The following NRL variants were observed in gnomAD, a reference collection of about 807,000 sequenced individuals.
NRL encodes the protein neural retina-specific leucine zipper protein.
NRL carries 16 observed loss-of-function variants against 12.5 expected under a neutral mutation model. The ratio of observed to expected loss-of-function variants is 1.28; its 90% CI spans 0.87 to 1.95. NRL has a LOEUF of 1.95. NRL is among the 30% of genes most tolerant of loss of function. NRL has a pLI of 0.00. For synonymous variants in NRL, 142 were observed against 150.9 expected, an observed-to-expected ratio of 0.94 and a Z score of 0.43; for missense variants, 314 against 325.8, an observed-to-expected ratio of 0.96 and a Z score of 0.28.
chr14:24,090,774 G>C (rs555284084), intron 1 of NRL, among the ~76,000 whole-genome samples: 1 of 152,354 alleles, frequency 6.6e-6, no homozygotes, highest in South Asian at 2.1e-4. Flanking sequence ...CTAAAGAAAA[G>C]TGTGTGGCAG....
chr14:24,111,659 G>A (rs779883560), intron 1 of NRL, among the ~76,000 whole-genome samples: 282 of 152,188 alleles, frequency 1.9e-3, no homozygotes, highest in Admixed American at 2.6e-3. Context: ...GAGCCACCGC[G>A]CCCGGCCAAT....
chr14:24,100,014 C>G (rs1001649291), intron 1 of NRL: 1 of 1,614,202 alleles, frequency 6.2e-7, no homozygotes, highest in African/African-American at 1.3e-5. Flanking sequence ...GGGCCATCAA[C>G]CCTGAGAACG....
chr14:24,114,630 T>A, intron 1 of NRL, 92 bp downstream of exon 1: 1 of 965,998 alleles, frequency 1.0e-6, no homozygotes. Context: ...AGCTGGCAGT[T>A]CCCACTTACT....
Position 24,081,222 on chromosome 14 carries a change from G to T in NRL, c.*14C>A. The T allele has an allele frequency of 6.9e-7, 1 of 1,450,568 alleles. No individual in the cohort carries two copies. Among genetic ancestry groups the T allele is most frequent in the Non-Finnish European group, 9.1e-7 (1 of 1,097,172 alleles). The allele number at this position is 1,450,568 out of a possible 1,614,324, so 89.9% of individuals were successfully genotyped here. A position where few individuals can be genotyped will look rare whatever the true frequency, so the allele number is the denominator to read the frequency against. On this transcript the variant is annotated 3_prime_UTR_variant, in exon 3 of 3. Coordinates refer to ENST00000561028, the MANE Select transcript of NRL (RefSeq NM_001354768.3). This position sits in a 1 kb window ranked among gnomAD's most constrained non-coding sequence, Gnocchi z 4.4. ...CACCCAGCCCCCACTACACCACAAG[G>T]TGCTCTGAACGGCTCAGAGGAAGAG...
intron 1 of NRL, chr14:24,099,809 G>A (rs765806041): frequency 6.6e-7 from 1 of 1,521,436 alleles, no homozygotes; most frequent in Admixed American, 1.7e-5. Context: ...CTTTGTCAGT[G>A]AGAAAGTTTC....
At chr14:24,093,690 G>A (rs1252770994) in intron 1 of NRL, among the ~76,000 whole-genome samples, 1 of 152,128 alleles carries the variant, frequency 6.6e-6, no homozygotes, top group East Asian at 1.9e-4. Flanking sequence ...CAGGGGAAGA[G>A]GGGATGTGCC....
chr14:24,082,398 C>G, intron 2 of NRL, 70 bp downstream of exon 2: 1 of 1,596,666 alleles, frequency 6.3e-7, no homozygotes, highest in East Asian at 2.2e-5. Context: ...TCTGGGAGCT[C>G]CCCTTCCTCT....
chr14:24,088,656 T>G (rs546892246), intron 1 of NRL, among the ~76,000 whole-genome samples: 24 of 151,262 alleles, frequency 1.6e-4, no homozygotes, highest in Non-Finnish European at 3.4e-4. Context: ...ATTATACTTT[T>G]TTTTTTTTTT....
At position 24,079,936 on chromosome 14, in the gene NRL, G is replaced by C. The variant is rs1048147455; in HGVS notation, c.*1300C>G. Among the ~76,000 whole-genome samples, 1 of 152,020 alleles carries C rather than the reference G, an allele frequency of 6.6e-6. No homozygotes were observed. The highest frequency in any genetic ancestry group is 2.4e-5 in the African/African-American group (1 of 41,376). ...TTGGTGGTGGTGGTGGTGAGAGGGG[G>C]AGGATCCATCTGTTCCAATGCCTGC... On this transcript the variant is annotated 3_prime_UTR_variant, in exon 3 of 3. Transcript: ENST00000561028.
At chr14:24,091,008 A>C (rs2036612983) in intron 1 of NRL, among the ~76,000 whole-genome samples, 1 of 152,242 alleles carries the variant, frequency 6.6e-6, no homozygotes, top group African/African-American at 2.4e-5. Context: ...AGGATTACAG[A>C]GATATAAAAG....
chr14:24,089,095 C>T (rs1261118862), intron 1 of NRL, among the ~76,000 whole-genome samples: 3 of 151,756 alleles, frequency 2.0e-5, no homozygotes, highest in African/African-American at 4.8e-5. Context: ...TGAGCCACTG[C>T]GCCTGGCCTA....
chr14:24,106,005 A>G (rs1480797606), intron 1 of NRL, among the ~76,000 whole-genome samples: 1 of 152,270 alleles, frequency 6.6e-6, no homozygotes, highest in Non-Finnish European at 1.5e-5. Context: ...ATTGTCACTC[A>G]GCAAGTCTGT....
In NRL at chr14:24,096,872, T is replaced by C. The variant is rs746790450; in HGVS notation, c.-27-13997A>G. 1.9e-6 allele frequency: 3 copies of C among 1,603,658 alleles called. No individual in the cohort carries two copies. Among genetic ancestry groups the C allele is most frequent in the Non-Finnish European group, 1.7e-6 (2 of 1,174,012 alleles). ...CTCTCGATGACAGCAACTAGCTCAT[T>C]GCCTCTGTTTCTCCTATAGGCTTAA... On this transcript the variant is annotated intron_variant, in intron 1 of 2. Coordinates refer to ENST00000561028, the MANE Select transcript of NRL (RefSeq NM_001354768.3).
rs1400205273 is a variant in NRL, at chr14:24,081,668, C to T, written c.382-100G>A. On this transcript the variant is annotated intron_variant, in intron 2 of 2. Coordinates refer to ENST00000561028, the MANE Select transcript of NRL (RefSeq NM_001354768.3). The surrounding 1 kb of genome is among the most constrained non-coding windows in gnomAD (Gnocchi z 4.4). ...TGGCTCCGCCCCGGGACAGCCCCGCCCCGGCTCCCACCTTCACCGGAAGGC... is the reference window on the plus strand; with the variant it reads ...TGGCTCCGCCCCGGGACAGCCCCGCTCCGGCTCCCACCTTCACCGGAAGGC... 10 of 1,531,996 alleles carry T rather than the reference C, an allele frequency of 6.5e-6. No individual in the cohort carries two copies. Among genetic ancestry groups the T allele is most frequent in the South Asian group, 2.4e-5 (2 of 83,114 alleles). 94.9% of individuals were successfully genotyped at this position (1,531,996 alleles called of 1,614,324 possible). A position where few individuals can be genotyped will look rare whatever the true frequency, so the allele number is the denominator to read the frequency against.
intron 1 of NRL, among the ~76,000 whole-genome samples, chr14:24,088,239 C>T (rs757065972): frequency 2.6e-5 from 4 of 152,250 alleles, no homozygotes; most frequent in Non-Finnish European, 4.4e-5. Context: ...GGCCCAAGCC[C>T]ACTCCTAGGG....
In NRL at chr14:24,082,472, A is replaced by C. The variant is rs535235550; in HGVS notation, c.377T>G (p.Val126Gly). 6 of 1,612,238 alleles carry C rather than the reference A, an allele frequency of 3.7e-6. No individual in the cohort carries two copies. The East Asian group carries it at 8.9e-5, about 24-fold the overall frequency. The change falls in exon 2 of 3, where the codon GTC (valine) becomes GGC (glycine). Residue 126 changes from valine to glycine, a missense_variant. Transcript: ENST00000561028. ...GCCAGCTTGCTGACCACTCACCTGG[A>C]CGTGCTGGGCTCCTGTCTCCTCTGG... Reference protein sequence around the residue: ...GSPEETGAQHVQLAERFSDAA... With the variant: ...GSPEETGAQHGQLAERFSDAA...
intron 1 of NRL, among the ~76,000 whole-genome samples, chr14:24,088,769 T>C (rs2036531377): frequency 6.6e-6 from 1 of 150,480 alleles, no homozygotes; most frequent in Non-Finnish European, 1.5e-5. Context: ...GCTCAGCCTA[T>C]CAAGTAGCAG....
chr14:24,099,926 G>A (rs1391143602), intron 1 of NRL: 1 of 1,613,612 alleles, frequency 6.2e-7, no homozygotes, highest in Non-Finnish European at 8.5e-7. Flanking sequence ...GGTGGAGCAG[G>A]ACCTTCTTTG....
rs909178310 is a variant in NRL, at chr14:24,081,850, C to G, written c.382-282G>C. 1.3e-5 allele frequency: 18 copies of G among 1,390,016 alleles called. No homozygotes were observed. The African/African-American group carries it at 2.7e-4, about 21-fold the overall frequency. 86.1% of individuals were successfully genotyped at this position (1,390,016 alleles called of 1,614,324 possible). A position where few individuals can be genotyped will look rare whatever the true frequency, so the allele number is the denominator to read the frequency against. On this transcript the variant is annotated intron_variant, in intron 2 of 2. Transcript: ENST00000561028. This position sits in a 1 kb window ranked among gnomAD's most constrained non-coding sequence, Gnocchi z 4.4. Reference sequence around the variant, plus strand: ...CCGTCGCGCACCTAAACCCCGGGCTCGTCTCTGGGATCCCCGGCATCCAGC... The same window carrying G: ...CCGTCGCGCACCTAAACCCCGGGCTGGTCTCTGGGATCCCCGGCATCCAGC...
Sources: allele counts gnomAD v4.1 joint callset (sites outside exome capture counted in the v4.1 genomes callset), GRCh38; gene constraint gnomAD v4.1.1; non-coding constraint Gnocchi (gnomAD v3.1); transcripts MANE v1.5; gene names NCBI Gene and HGNC (gene_info 2026-07-23, HGNC 2026-07-21).